Variants in TOMM20L observed in about 807,000 individuals in gnomAD.
TOMM20L encodes translocase of outer mitochondrial membrane 20 like, also known as TOMM20-like protein 1.
TOMM20L carries 19 observed loss-of-function variants against 20.4 expected under a neutral mutation model. The ratio of observed to expected loss-of-function variants is 0.93; its 90% CI spans 0.65 to 1.36. The LOEUF is 1.36. Ranked by LOEUF, TOMM20L falls within the 40% of genes most tolerant of loss-of-function variation. The pLI is 0.00. For synonymous variants in TOMM20L, 75 were observed against 79.6 expected, an observed-to-expected ratio of 0.94 and a Z score of 0.30; for missense variants, 218 against 203.7, an observed-to-expected ratio of 1.07 and a Z score of -0.43.
intron 2 of TOMM20L, 106 bp downstream of exon 2, chr14:58,396,447 C>A: frequency 1.6e-6 from 2 of 1,253,350 alleles, no homozygotes; most frequent in Non-Finnish European, 2.3e-6. Context: ...GTTCCCTCAG[C>A]CGCCCGTGCC....
chr14:58,408,893 G>A (rs145218851), downstream of TOMM20L: 689 of 1,234,464 alleles, frequency 5.6e-4, 5 homozygotes, highest in East Asian at 0.011. Flanking sequence ...TTTCTCCAGC[G>A]GTTTCCATTT....
intron 3 of TOMM20L, among the ~76,000 whole-genome samples, chr14:58,404,095 A>ATGTGTG (rs1178678567): frequency 3.6e-4 from 1 of 2,744 alleles, no homozygotes; most frequent in Admixed American, 0.01. Context: ...ATATACATAT[A>ATGTGTG]TATGTATATA....
At chr14:58,401,621 A>G (rs1395749737) in intron 2 of TOMM20L, among the ~76,000 whole-genome samples, 1 of 152,074 alleles carries the variant, frequency 6.6e-6, no homozygotes, top group African/African-American at 2.4e-5. Context: ...TTTTAAAAAG[A>G]AAATTAGTGG....
At chr14:58,413,426 G>C (rs2036285162), downstream of TOMM20L, among the ~76,000 whole-genome samples, 1 of 152,154 alleles carries the variant, frequency 6.6e-6, no homozygotes, top group South Asian at 2.1e-4. Flanking sequence ...AGGATATTCA[G>C]AGTTTTAAAA....
At chr14:58,402,838 C>G in intron 3 of TOMM20L, 77 bp downstream of exon 3, 2 of 1,118,034 alleles carry the variant, frequency 1.8e-6, no homozygotes, top group Non-Finnish European at 2.7e-6. Flanking sequence ...ATTTGTATGT[C>G]AAATAACTAG....
downstream of TOMM20L, among the ~76,000 whole-genome samples, chr14:58,409,571 T>TTTTA (rs897459931): frequency 1.1e-4 from 16 of 152,098 alleles, no homozygotes; most frequent in East Asian, 3.9e-4. Context: ...CTTATTTTAA[T>TTTTA]TTTATTTATT....
At chr14:58,408,945 C>A, downstream of TOMM20L, 1 of 1,528,070 alleles carries the variant, frequency 6.5e-7, no homozygotes, top group Non-Finnish European at 8.8e-7. Flanking sequence ...GTGGCTACTG[C>A]TTTCAGGGGA....
chr14:58,396,488 A>G (rs2035924255), intron 2 of TOMM20L, 147 bp downstream of exon 2: 1 of 812,306 alleles, frequency 1.2e-6, no homozygotes, highest in Non-Finnish European at 2.0e-6. Context: ...CGCGCCACGC[A>G]CCGCCTCAGG....
Position 58,407,444 on chromosome 14 carries a change from G to A in TOMM20L, c.381G>A (p.Leu127=), listed in dbSNP as rs2036077514. The change falls in exon 4 of 5, where the codon TTG becomes TTA. Residue 127 remains leucine (L), a synonymous_variant. Coordinates refer to ENST00000360945, the MANE Select transcript of TOMM20L (RefSeq NM_207377.3). ...CTCCCAAGGTATTTGAGATGCTGTT[G>A]CACAAAATTCCCCTTATTTGCCAGG... is the stretch of plus-strand genomic sequence containing the variant. ...TLPPKVFEML[L]HKIPLICQQF... 2.5e-6 allele frequency: 4 copies of A among 1,612,200 alleles called. No homozygotes were observed. Among genetic ancestry groups the A allele is most frequent in the Admixed American group, 1.7e-5 (1 of 59,414 alleles).
intron 2 of TOMM20L, among the ~76,000 whole-genome samples, chr14:58,398,307 G>A (rs1033312430): frequency 2.6e-5 from 4 of 152,210 alleles, no homozygotes; most frequent in Admixed American, 2.0e-4. Context: ...AGTCTAGTGC[G>A]GTAGGTGCCC....
chr14:58,408,888 C>T (rs2036116322), downstream of TOMM20L: 1 of 1,190,940 alleles, frequency 8.4e-7, no homozygotes, highest in South Asian at 1.6e-5. Context: ...TTTTGTTTCT[C>T]CAGCGGTTTC....
the TOMM20L span, among the ~76,000 whole-genome samples, chr14:58,414,343 T>A: frequency 6.6e-6 from 1 of 151,996 alleles, no homozygotes; most frequent in Admixed American, 6.6e-5. Context: ...CAAAAAAAAA[T>A]TAACATTCTG....
At chr14:58,397,783 T>C (rs2035946723) in intron 2 of TOMM20L, among the ~76,000 whole-genome samples, 1 of 152,146 alleles carries the variant, frequency 6.6e-6, no homozygotes. Flanking sequence ...GAGGAATTAC[T>C]GAAGATTTCT....
At chr14:58,398,236 C>T (rs2035951142) in intron 2 of TOMM20L, among the ~76,000 whole-genome samples, 1 of 152,190 alleles carries the variant, frequency 6.6e-6, no homozygotes, top group African/African-American at 2.4e-5. Flanking sequence ...GTTTATTACA[C>T]TAAGCTGTGT....
Position 58,408,533 on chromosome 14 carries a change from T to C in TOMM20L, c.410T>C (p.Phe137Ser), listed in dbSNP as rs2036105021. The C allele has an allele frequency of 1.1e-5, 18 of 1,613,770 alleles. No homozygotes were observed. Among genetic ancestry groups the C allele is most frequent in the Non-Finnish European group, 1.4e-5 (17 of 1,179,886 alleles). Residue 137 changes from phenylalanine (F) to serine (S), a missense_variant, in exon 5 of 5, where the codon TTT becomes TCT. Coordinates refer to ENST00000360945, the MANE Select transcript of TOMM20L (RefSeq NM_207377.3). Reference protein sequence around the residue: ...LHKIPLICQQFEADMNEQDCL... With the variant: ...LHKIPLICQQSEADMNEQDCL... ...ACTATTTTATGTATTCACCAGCAAT[T>C]TGAGGCAGACATGAATGAACAGGAC...
chr14:58,396,317 A>G lies in TOMM20L; in HGVS notation c.156A>G (p.Gln52=). The G allele has an allele frequency of 1.9e-6, 3 of 1,613,372 alleles. No individual in the cohort carries two copies. Among genetic ancestry groups the G allele is most frequent in the Admixed American group, 1.7e-5 (1 of 60,028 alleles). The change falls in exon 2 of 5, where the codon CAA becomes CAG. Residue 52 remains glutamine (Q), a synonymous_variant. Transcript: ENST00000360945. ...TCGCAGAAAGAAGAGCAGAGCCTCA[A>G]AAGGCTGAGGAGCAGGGCACGCAGG... ...RLRDKRRAEP[Q]KAEEQGTQLW...
At chr14:58,408,388 T>C in intron 4 of TOMM20L, 141 bp from the exon 5 acceptor site, 1 of 685,576 alleles carries the variant, frequency 1.5e-6, no homozygotes, top group Non-Finnish European at 2.4e-6. Flanking sequence ...TTGCACTCCA[T>C]CCTGGGTGAC....
In TOMM20L at chr14:58,407,425, A is replaced by G. The variant is rs373172458; in HGVS notation, c.362A>G (p.Lys121Arg). The change falls in exon 4 of 5, where the codon AAG (lysine) becomes AGG (arginine). Residue 121 changes from lysine (K) to arginine (R), a missense_variant. Coordinates refer to ENST00000360945, the MANE Select transcript of TOMM20L (RefSeq NM_207377.3). ...GTTTTCAAACACACTCTCCCTCCCAAGGTATTTGAGATGCTGTTGCACAAA... is the reference window on the plus strand; with the variant it reads ...GTTTTCAAACACACTCTCCCTCCCAGGGTATTTGAGATGCTGTTGCACAAA... ...LKVFKHTLPP[K>R]VFEMLLHKIP... The G allele has an allele frequency of 1.2e-6, 2 of 1,613,642 alleles. No individual in the cohort carries two copies. Among genetic ancestry groups the G allele is most frequent in the Non-Finnish European group, 1.7e-6 (2 of 1,179,886 alleles).
At chr14:58,402,451 G>A (rs1335375650) in intron 2 of TOMM20L, among the ~76,000 whole-genome samples, 2 of 151,996 alleles carry the variant, frequency 1.3e-5, no homozygotes, top group East Asian at 3.9e-4. Context: ...ACCACACCTG[G>A]CTAATTTTGT....
Sources: gnomAD v4.1 joint callset for allele counts (sites outside exome capture counted in the v4.1 genomes callset) on GRCh38, gnomAD v4.1.1 for gene constraint, MANE v1.5 for transcripts, NCBI Gene and HGNC (gene_info 2026-07-23, HGNC 2026-07-21) for gene names.